The following ARSG variants were observed in gnomAD, a reference collection of about 807,000 sequenced individuals.
ARSG encodes the protein arylsulfatase G.
Under a neutral mutation model 50.5 loss-of-function variants are expected in ARSG, and 37 were observed. The ratio of observed to expected loss-of-function variants is 0.73; its 90% CI spans 0.56 to 0.96. ARSG has a LOEUF of 0.96. ARSG is among the 50% of genes least tolerant of loss of function. The pLI is 0.00. For synonymous variants in ARSG, 225 were observed against 254.6 expected (o/e 0.88, Z 1.11); for missense variants, 629 against 675.3 (o/e 0.93, Z 0.76).
chr17:68,364,881 C>T (rs538761881), intron 6 of ARSG, among the ~76,000 whole-genome samples: 1 of 152,192 alleles, frequency 6.6e-6, no homozygotes, highest in Non-Finnish European at 1.5e-5. Context: ...GGACAGATGC[C>T]CCCAAGGGAC....
At position 68,381,091 on chromosome 17, in the gene ARSG, G is replaced by A. The variant is rs564505683; in HGVS notation, c.983-3973G>A. On this transcript the variant is annotated intron_variant, in intron 8 of 11. Coordinates refer to ENST00000621439, the MANE Select transcript of ARSG (RefSeq NM_001267727.2). The surrounding 1 kb of genome is among the most constrained non-coding windows in gnomAD (Gnocchi z 4.1). ...ATCTCATCTGGTGATTCTCTTGTAT[G>A]GAGAAATTTGCGAATTTCCTTGTTT... Among the ~76,000 whole-genome samples the A allele has an allele frequency of 4.8e-4, 73 of 152,258 alleles. No individual in the cohort carries two copies. Among genetic ancestry groups the A allele is most frequent in the Non-Finnish European group, 7.2e-4 (49 of 68,014 alleles).
chr17:68,379,562 G>A (rs987724698), intron 8 of ARSG, among the ~76,000 whole-genome samples: 90 of 151,114 alleles, frequency 6.0e-4, no homozygotes, highest in South Asian at 2.1e-4. Flanking sequence ...ACAAGTGCGA[G>A]CCACTGCACT....
At position 68,420,736 on chromosome 17, in the gene ARSG, T is replaced by C. The variant is rs117069909; in HGVS notation, c.*273T>C. 681 of 467,602 alleles carry C rather than the reference T, an allele frequency of 1.5e-3. 3 individuals are homozygous for C. The highest frequency in any genetic ancestry group is 2.0e-3 in the Non-Finnish European group (538 of 263,072). 29.0% of individuals were successfully genotyped at this position (467,602 alleles called of 1,614,324 possible). Reference sequence around the variant, plus strand: ...CAGGTGCCAGCTCCAGCTTTTGAACTTGGGCAATTGTTTAACCTAACCTGC... The same window carrying C: ...CAGGTGCCAGCTCCAGCTTTTGAACCTGGGCAATTGTTTAACCTAACCTGC... On this transcript the variant is annotated 3_prime_UTR_variant, in exon 12 of 12. Coordinates refer to ENST00000621439, the MANE Select transcript of ARSG (RefSeq NM_001267727.2).
chr17:68,393,308 T>A (rs1028122745), intron 9 of ARSG, among the ~76,000 whole-genome samples: 3 of 152,134 alleles, frequency 2.0e-5, no homozygotes, highest in African/African-American at 4.8e-5. Context: ...TCTGGCACCA[T>A]CCCACCCACC....
At chr17:68,313,461 G>A (rs782002120) in intron 2 of ARSG, among the ~76,000 whole-genome samples, 41 of 152,072 alleles carry the variant, frequency 2.7e-4, no homozygotes, top group Non-Finnish European at 4.7e-4. Context: ...GTTATGAGGC[G>A]TTCTTTCATG....
At chr17:68,290,327 G>T (rs184799063), upstream of ARSG, among the ~76,000 whole-genome samples, 1 of 152,148 alleles carries the variant, frequency 6.6e-6, no homozygotes, top group Non-Finnish European at 1.5e-5. Context: ...AGGGTGGGGG[G>T]AATAAAAAGA....
Position 68,271,104 on chromosome 17 carries a change from G to A in ARSG, c.-552+11678G>A. The A allele has an allele frequency of 6.2e-7, 1 of 1,614,214 alleles. No individual in the cohort carries two copies. Among genetic ancestry groups the A allele is most frequent in the Non-Finnish European group, 8.5e-7 (1 of 1,180,048 alleles). On this transcript the variant is annotated intron_variant, in intron 1 of 11. Coordinates refer to the ARSG transcript ENST00000448504. The surrounding 1 kb of genome is among the most constrained non-coding windows in gnomAD (Gnocchi z 5.3). ...TGTAAATCTTACGAATGGGCTCCCT[G>A]TTGAGGACAAAACCAGCTCCGATCC...
chr17:68,290,526 G>A (rs1411485644), upstream of ARSG, among the ~76,000 whole-genome samples: 1 of 152,220 alleles, frequency 6.6e-6, no homozygotes, highest in African/African-American at 2.4e-5. Flanking sequence ...CGCTCTGCCG[G>A]GAAATCCCCG....
In ARSG at chr17:68,343,863, A is replaced by G. The variant is rs145164399; in HGVS notation, c.406+72A>G. 270 of 1,433,464 alleles carry G rather than the reference A, an allele frequency of 1.9e-4. 3 individuals carry two copies. In the East Asian group the frequency reaches 5.5e-3, roughly 29 times the overall value. The allele number at this position is 1,433,464 out of a possible 1,614,324, so 88.8% of individuals were successfully genotyped here. ...CGCCTTGTGTTTGCAAATTCCCAAC[A>G]TACTCCCTGTCTGCTTTCCTGTTCA... On this transcript the variant is annotated intron_variant, in intron 3 of 11. Coordinates refer to ENST00000621439, the MANE Select transcript of ARSG (RefSeq NM_001267727.2).
intron 2 of ARSG, among the ~76,000 whole-genome samples, chr17:68,319,092 A>G (rs771575984): frequency 4.6e-5 from 7 of 152,228 alleles, no homozygotes; most frequent in Non-Finnish European, 1.0e-4. Flanking sequence ...TCTGGTGGAC[A>G]GTATGGGGAC....
At chr17:68,334,691 C>T (rs991842207) in intron 2 of ARSG, among the ~76,000 whole-genome samples, 11 of 151,984 alleles carry the variant, frequency 7.2e-5, no homozygotes, top group African/African-American at 1.9e-4. Context: ...GCTCCTATGG[C>T]GGACATCTCC....
At chr17:68,263,931 C>G (rs1388740702) in intron 1 of ARSG, among the ~76,000 whole-genome samples, 3 of 152,114 alleles carry the variant, frequency 2.0e-5, no homozygotes, top group Admixed American at 6.6e-5. Flanking sequence ...GATCTCGACT[C>G]ACTGCAACCT....
intron 1 of ARSG, among the ~76,000 whole-genome samples, chr17:68,300,370 T>C (rs945946532): frequency 6.6e-6 from 1 of 152,226 alleles, no homozygotes; most frequent in Non-Finnish European, 1.5e-5. Context: ...TACATGTGAG[T>C]TTCTCAACTT....
At chr17:68,414,566 C>G (rs1248891857) in intron 11 of ARSG, among the ~76,000 whole-genome samples, 1 of 152,114 alleles carries the variant, frequency 6.6e-6, no homozygotes, top group African/African-American at 2.4e-5. Context: ...GGAGGGTTCC[C>G]TCTTTGTCAT....
At chr17:68,349,958 G>A (rs966663051) in intron 4 of ARSG, among the ~76,000 whole-genome samples, 1 of 152,176 alleles carries the variant, frequency 6.6e-6, no homozygotes, top group Non-Finnish European at 1.5e-5. Context: ...AAGATCTAAT[G>A]TCTAACTCGA....
At chr17:68,338,003 G>C (rs569102498) in intron 2 of ARSG, among the ~76,000 whole-genome samples, 1 of 152,104 alleles carries the variant, frequency 6.6e-6, no homozygotes, top group African/African-American at 2.4e-5. Context: ...GCAGGTCTCC[G>C]AGGAAAACCC....
In ARSG at chr17:68,420,255, A is replaced by G. The variant is rs767916627; in HGVS notation, c.1370A>G (p.Asn457Ser). The G allele has an allele frequency of 6.2e-6, 10 of 1,613,978 alleles. No homozygotes were observed. The East Asian group carries it at 1.1e-4, about 18-fold the overall frequency. ...ELQHKFPLIFNLEDDTAEAVP... is the reference protein window; with the variant it reads ...ELQHKFPLIFSLEDDTAEAVP... ...CAGCATAAGTTTCCTCTGATTTTCA[A>G]CCTGGAAGACGATACCGCAGAAGCT... is the stretch of plus-strand genomic sequence containing the variant. The change falls in exon 12 of 12, where the codon AAC becomes AGC. Residue 457 changes from asparagine to serine, a missense_variant. Physicochemically the swap from Asn to Ser is conservative, Grantham distance 46 (BLOSUM62 1). Transcript: ENST00000621439.
chr17:68,392,050 T>C (rs772219513), intron 9 of ARSG, among the ~76,000 whole-genome samples: 8 of 152,196 alleles, frequency 5.3e-5, no homozygotes, highest in Admixed American at 2.6e-4. Context: ...AGATATCAGA[T>C]TGGGGAAAGT....
chr17:68,316,277 C>A (rs2077067774), intron 2 of ARSG, among the ~76,000 whole-genome samples: 1 of 152,164 alleles, frequency 6.6e-6, no homozygotes, highest in Non-Finnish European at 1.5e-5. Context: ...TCCAACATTG[C>A]CTTCCTACCC....
Sources: gnomAD v4.1 joint callset for allele counts (sites outside exome capture counted in the v4.1 genomes callset) on GRCh38, gnomAD v4.1.1 for gene constraint, Gnocchi (gnomAD v3.1) non-coding constraint, MANE v1.5 for transcripts, NCBI Gene and HGNC (gene_info 2026-07-23, HGNC 2026-07-21) for gene names.